The following SIM1 variants were observed in gnomAD, a reference collection of about 807,000 sequenced individuals.
The protein encoded by SIM1 is single-minded homolog 1.
SIM1 carries 18 observed loss-of-function variants against 78.2 expected under a neutral mutation model. The observed-to-expected ratio is 0.23, with a 90% CI of 0.16 to 0.34. The LOEUF is 0.34. Ranked by LOEUF, SIM1 falls within the 10% of genes least tolerant of loss-of-function variation. SIM1 has a pLI of 1.00. For synonymous variants in SIM1, 417 were observed against 385.2 expected, an observed-to-expected ratio of 1.08 and a Z score of -0.97; for missense variants, 939 against 975.1, an observed-to-expected ratio of 0.96 and a Z score of 0.49.
chr6:100,393,518 C>T lies in SIM1; in HGVS notation c.1539G>A (p.Met513Ile). 1.3e-6 allele frequency: 2 copies of T among 1,570,724 alleles called. No individual in the cohort carries two copies. The highest frequency in any genetic ancestry group is 1.7e-6 in the Non-Finnish European group (2 of 1,155,214). The change falls in exon 11 of 12, where the codon ATG (methionine) becomes ATA (isoleucine). Residue 513 changes from methionine (M) to isoleucine (I), a missense_variant. By Grantham distance (10) the Met-to-Ile change is conservative (BLOSUM62 1). This residue lies in a region of SIM1 where 556 missense variants were observed against 521.9 expected (regional missense o/e 1.07). Coordinates refer to ENST00000369208, the MANE Select transcript of SIM1 (RefSeq NM_005068.3). Reference sequence around the variant, plus strand: ...TCCTGTGGACTGAAGCGATGTGAGGCATGCTGTTTTCATAGGCTTCTCTGC... The same window carrying T: ...TCCTGTGGACTGAAGCGATGTGAGGTATGCTGTTTTCATAGGCTTCTCTGC... Reference protein sequence around the residue: ...PESREAYENSMPHIASVHRIH... With the variant: ...PESREAYENSIPHIASVHRIH...
At chr6:100,412,721 AAG>A (rs1410219962) in intron 10 of SIM1, among the ~76,000 whole-genome samples, 1 of 139,496 alleles carries the variant, frequency 7.2e-6, no homozygotes, top group Non-Finnish European at 1.5e-5. Context: ...GAAAGAAAGA[AAG>A]AAAGAAAGAA....
At chr6:100,446,644 A>G (rs1474107813) in intron 9 of SIM1, among the ~76,000 whole-genome samples, 1 of 152,228 alleles carries the variant, frequency 6.6e-6, no homozygotes, top group Non-Finnish European at 1.5e-5. Context: ...TCGCGCCCGC[A>G]GGTGGCACCC....
intron 11 of SIM1, 35 bp from the exon 12 acceptor site, chr6:100,391,126 C>T: frequency 2.0e-6 from 3 of 1,536,082 alleles, no homozygotes; most frequent in Non-Finnish European, 2.6e-6. Context: ...TAAGTGATCT[C>T]AGAATTCACC....
Position 100,393,712 on chromosome 6 carries a change from A to G in SIM1, c.1345T>C (p.Phe449Leu), listed in dbSNP as rs1770699449. 1.2e-6 allele frequency: 2 copies of G among 1,614,192 alleles called. No homozygotes were observed. Among genetic ancestry groups the G allele is most frequent in the Non-Finnish European group, 1.7e-6 (2 of 1,180,010 alleles). The change falls in exon 11 of 12, where the codon TTT becomes CTT. Residue 449 changes from phenylalanine to leucine, a missense_variant. Around this residue, in one of 5 missense-constraint regions of SIM1, gnomAD observed 556 missense variants for 521.9 expected, o/e 1.07. Coordinates refer to ENST00000369208, the MANE Select transcript of SIM1 (RefSeq NM_005068.3). ...ACCAGCCTCGAGTGGTCAAGCGCAA[A>G]GCCATAGCAGAGAGAGCTGCGGTCC... ...FSDRSSLCYG[F>L]ALDHSRLVEE...
At chr6:100,421,687 C>T (rs777330157) in intron 9 of SIM1, among the ~76,000 whole-genome samples, 2 of 152,104 alleles carry the variant, frequency 1.3e-5, no homozygotes, top group African/African-American at 4.8e-5. Context: ...TCTTAGGAAG[C>T]TCATTGCAAA....
Position 100,449,378 on chromosome 6 carries a change from G to A in SIM1, c.528C>T (p.Thr176=). Residue 176 remains threonine, a synonymous_variant, in exon 6 of 12, where the codon ACC becomes ACT. Coordinates refer to ENST00000369208, the MANE Select transcript of SIM1 (RefSeq NM_005068.3). The stretch of plus-strand genomic sequence containing the variant: ...AGCTACGCACCTTGTAGCCGCCACA[G>A]GTGAGGCCGGCGTTACGCTTGGCCA... ...CVLAKRNAGL[T]CGGYKVIHCS... is the part of the protein sequence containing the mutation. 6.2e-7 allele frequency: 1 copy of A among 1,613,908 alleles called. No homozygotes were observed. Among genetic ancestry groups the A allele is most frequent in the South Asian group, 1.1e-5 (1 of 91,074 alleles).
At chr6:100,408,141 C>A (rs1204878179) in intron 10 of SIM1, among the ~76,000 whole-genome samples, 2 of 151,970 alleles carry the variant, frequency 1.3e-5, no homozygotes, top group African/African-American at 2.4e-5. Context: ...TTAATCCATT[C>A]AAGTTAATTT....
chr6:100,390,338 G>T lies in SIM1; in HGVS notation c.*23C>A. On this transcript the variant is annotated 3_prime_UTR_variant, in exon 12 of 12. Transcript: ENST00000369208. ...TAAATATGTTTCAGAGATCCTTAAA[G>T]AACAAAATATTTCAGCAAAACATCA... 1 of 1,599,176 alleles carries T rather than the reference G, an allele frequency of 6.3e-7. No individual in the cohort carries two copies. Among genetic ancestry groups the T allele is most frequent in the Non-Finnish European group, 8.5e-7 (1 of 1,172,898 alleles).
chr6:100,386,084 TGAC>T lies in SIM1; in HGVS notation c.*4274_*4276del, dbSNP rs1323527981. ...ACATAAATCCCTATTCACAAAAACT[TGAC>T]ATTTACATAAACGTTGAATCATTTA... On this transcript the variant is annotated 3_prime_UTR_variant, in exon 12 of 12. Transcript: ENST00000369208. The T allele has an allele frequency of 1.3e-5, 2 of 152,038 alleles. No individual in the cohort carries two copies. The highest frequency in any genetic ancestry group is 2.4e-5 in the African/African-American group (1 of 41,434). The allele number at this position is 152,038 out of a possible 1,614,324, so 9.4% of individuals were successfully genotyped here.
chr6:100,449,253 G>A, intron 6 of SIM1, 110 bp downstream of exon 6: 1 of 847,266 alleles, frequency 1.2e-6, no homozygotes, highest in South Asian at 1.5e-5. Flanking sequence ...ACGCAAGCTG[G>A]GGGTGCCCTT....
At chr6:100,426,221 T>G (rs1329498685) in intron 9 of SIM1, among the ~76,000 whole-genome samples, 1 of 152,202 alleles carries the variant, frequency 6.6e-6, no homozygotes. Context: ...CACTAGGAAT[T>G]GCAGCTTGTC....
In SIM1 at chr6:100,390,182, T is replaced by G; in HGVS notation, c.*179A>C. Reference sequence around the variant, plus strand: ...GTATTCAATTTAGCTCCCTTTTCTGTGTATAACCCTGAATGCTAGTGCTAT... The same window carrying G: ...GTATTCAATTTAGCTCCCTTTTCTGGGTATAACCCTGAATGCTAGTGCTAT... On this transcript the variant is annotated 3_prime_UTR_variant, in exon 12 of 12. Transcript: ENST00000369208. 1 of 650,598 alleles carries G rather than the reference T, an allele frequency of 1.5e-6. No individual in the cohort carries two copies. The highest frequency in any genetic ancestry group is 2.5e-6 in the Non-Finnish European group (1 of 392,752). 40.3% of individuals were successfully genotyped at this position (650,598 alleles called of 1,614,324 possible).
chr6:100,449,670 T>C lies in SIM1; in HGVS notation c.378A>G (p.Glu126=). The C allele has an allele frequency of 6.2e-7, 1 of 1,614,066 alleles. No homozygotes were observed. Among genetic ancestry groups the C allele is most frequent in the African/African-American group, 1.3e-5 (1 of 75,048 alleles). Residue 126 remains glutamate (E), a synonymous_variant, in exon 5 of 12, where the codon GAA becomes GAG. Coordinates refer to ENST00000369208, the MANE Select transcript of SIM1 (RefSeq NM_005068.3). ...CGTCGTGGTCTGCCGGGTGAATGTATTCATAAATGCTGTTTCCGGTCAGCT... is the reference window on the plus strand; with the variant it reads ...CGTCGTGGTCTGCCGGGTGAATGTACTCATAAATGCTGTTTCCGGTCAGCT... ...QVELTGNSIY[E]YIHPADHDEM...
intron 9 of SIM1, among the ~76,000 whole-genome samples, chr6:100,433,257 G>C (rs1025552517): frequency 1.3e-5 from 2 of 152,120 alleles, no homozygotes; most frequent in South Asian, 4.2e-4. Context: ...AGGCGATCTG[G>C]CCCTGCCTAT....
intron 10 of SIM1, 66 bp from the exon 11 acceptor site, chr6:100,393,955 A>C: frequency 6.8e-7 from 1 of 1,466,234 alleles, no homozygotes; most frequent in Non-Finnish European, 9.1e-7. Flanking sequence ...AAAACAAACA[A>C]ACAAAAAACA....
intron 9 of SIM1, among the ~76,000 whole-genome samples, chr6:100,432,021 C>G (rs951295744): frequency 1.3e-5 from 2 of 152,100 alleles, no homozygotes; most frequent in Admixed American, 6.5e-5. Context: ...TGGTGCACAT[C>G]TGTAATCCTA....
At chr6:100,392,197 A>C (rs1770660266) in intron 11 of SIM1, among the ~76,000 whole-genome samples, 1 of 152,162 alleles carries the variant, frequency 6.6e-6, no homozygotes, top group African/African-American at 2.4e-5. Flanking sequence ...TTTAGACAAT[A>C]TTTATAATTT....
At chr6:100,404,587 CT>C (rs996952176) in intron 10 of SIM1, among the ~76,000 whole-genome samples, 4 of 150,630 alleles carry the variant, frequency 2.7e-5, no homozygotes, top group Non-Finnish European at 4.4e-5. Context: ...AAAATATGTT[CT>C]TTTTTTTCAT....
chr6:100,448,091 C>G lies in SIM1; in HGVS notation c.850+55G>C, dbSNP rs555093861. ...GATTTAAATCGTGGCTCCCCCACCC[C>G]CTAACCAGCGGATGCGCCAAGGTTG... On this transcript the variant is annotated intron_variant, in intron 8 of 11. Coordinates refer to ENST00000369208, the MANE Select transcript of SIM1 (RefSeq NM_005068.3). The G allele has an allele frequency of 2.5e-5, 36 of 1,432,772 alleles. No homozygotes were observed. The African/African-American group carries it at 4.6e-4, about 18-fold the overall frequency. 88.8% of individuals were successfully genotyped at this position (1,432,772 alleles called of 1,614,324 possible). A position where few individuals can be genotyped will look rare whatever the true frequency, so the allele number is the denominator to read the frequency against.
Sources: gnomAD v4.1 joint callset for allele counts (sites outside exome capture counted in the v4.1 genomes callset) on GRCh38, gnomAD v4.1.1 for gene constraint, gnomAD v4.1.1 regional missense constraint, MANE v1.5 for transcripts, NCBI Gene and HGNC (gene_info 2026-07-23, HGNC 2026-07-21) for gene names.